TNFRSF21: variants seen among roughly 807,000 people sequenced by gnomAD.
TNFRSF21 encodes the protein tumor necrosis factor receptor superfamily member 21.
TNFRSF21 carries 19 observed loss-of-function variants against 45.6 expected under a neutral mutation model. The ratio of observed to expected loss-of-function variants is 0.42; its 90% CI spans 0.29 to 0.61. The LOEUF (loss-of-function observed/expected upper bound fraction) is 0.61. Ranked by LOEUF, TNFRSF21 falls within the 20% of genes least tolerant of loss-of-function variation. TNFRSF21 has a pLI of 0.23. For synonymous variants in TNFRSF21, 314 were observed against 335.5 expected, an observed-to-expected ratio of 0.94 and a Z score of 0.70; for missense variants, 737 against 851.5, an observed-to-expected ratio of 0.87 and a Z score of 1.67.
intron 3 of TNFRSF21, among the ~76,000 whole-genome samples, chr6:47,273,762 C>G (rs1762459433): frequency 1.3e-5 from 2 of 152,124 alleles, no homozygotes; most frequent in African/African-American, 4.8e-5. Context: ...TTTAGAAAAT[C>G]CCATCATCTC....
In TNFRSF21 at chr6:47,294,297, C is replaced by T. The variant is rs562008751; in HGVS notation, c.97-7702G>A. ...TAGCTGGGACTACAGGGGCACGCCA[C>T]CATGCCCGGCTAATTTTTTGTATTT... On this transcript the variant is annotated intron_variant, in intron 1 of 5. Transcript: ENST00000296861. Among the ~76,000 whole-genome samples, 121 of 152,172 alleles carry T rather than the reference C, an allele frequency of 8.0e-4. 1 individual carries two copies. The highest frequency in any genetic ancestry group is 1.3e-3 in the Non-Finnish European group (88 of 68,040).
At chr6:47,264,342 A>C (rs944153046) in intron 3 of TNFRSF21, among the ~76,000 whole-genome samples, 3 of 152,200 alleles carry the variant, frequency 2.0e-5, no homozygotes, top group Non-Finnish European at 4.4e-5. Flanking sequence ...AGCTTGGCCG[A>C]CATGGCGAAA....
intron 4 of TNFRSF21, among the ~76,000 whole-genome samples, chr6:47,244,723 T>C (rs1764800442): frequency 6.6e-6 from 1 of 152,202 alleles, no homozygotes; most frequent in Non-Finnish European, 1.5e-5. Context: ...TCTGTGGCAA[T>C]TGTTTATTAA....
Position 47,309,548 on chromosome 6 carries a change from G to T in TNFRSF21, c.-37C>A, listed in dbSNP as rs1762988468. ...GGACTCGCAGGGGCGCCCGGGGCGC[G>T]CGGGGCAGCTGGAATCGGCGGCTGC... On this transcript the variant is annotated 5_prime_UTR_variant, in exon 1 of 6. Transcript: ENST00000296861. 3 of 1,402,428 alleles carry T rather than the reference G, an allele frequency of 2.1e-6. No homozygotes were observed. Among genetic ancestry groups the T allele is most frequent in the Non-Finnish European group, 2.8e-6 (3 of 1,087,830 alleles). The allele number at this position is 1,402,428 out of a possible 1,614,324, so 86.9% of individuals were successfully genotyped here.
At chr6:47,308,446 G>A (rs1582368842) in intron 1 of TNFRSF21, among the ~76,000 whole-genome samples, 1 of 152,222 alleles carries the variant, frequency 6.6e-6, no homozygotes, top group East Asian at 1.9e-4. Context: ...ATAGGCAAGG[G>A]AAGCTCAAGG....
chr6:47,266,055 G>A (rs1762329838), intron 3 of TNFRSF21, among the ~76,000 whole-genome samples: 2 of 152,230 alleles, frequency 1.3e-5, no homozygotes, highest in Admixed American at 6.5e-5. Context: ...ATCAACTTCT[G>A]TCACCTGACC....
chr6:47,246,601 T>C (rs1328358820), intron 4 of TNFRSF21, among the ~76,000 whole-genome samples: 3 of 152,216 alleles, frequency 2.0e-5, no homozygotes, highest in Admixed American at 6.5e-5. Flanking sequence ...TATTAAAACC[T>C]TATTTCTATA....
intron 3 of TNFRSF21, among the ~76,000 whole-genome samples, chr6:47,256,282 G>C (rs1764987434): frequency 6.6e-6 from 1 of 152,222 alleles, no homozygotes; most frequent in Non-Finnish European, 1.5e-5. Flanking sequence ...GCAGCACTTT[G>C]GGAGGTTGAG....
At chr6:47,261,846 C>T (rs542228876) in intron 3 of TNFRSF21, among the ~76,000 whole-genome samples, 5 of 152,320 alleles carry the variant, frequency 3.3e-5, no homozygotes, top group Admixed American at 2.6e-4. Context: ...CCCACATGTA[C>T]CTGTGTTTCA....
Position 47,253,339 on chromosome 6 carries a change from C to T in TNFRSF21, c.1426G>A (p.Ala476Thr), listed in dbSNP as rs558987695. ...WTIRGPEASLAQLISALRQHR... is the reference protein window; with the variant it reads ...WTIRGPEASLTQLISALRQHR... ...TGGCGCAGGGCGCTAATTAGCTGGG[C>T]GAGGCTGGCCTCGGGGCCCCGGATG... is the stretch of plus-strand genomic sequence containing the variant. Residue 476 changes from alanine to threonine, a missense_variant, in exon 4 of 6, where the codon GCC (alanine) becomes ACC (threonine). Coordinates refer to ENST00000296861, the MANE Select transcript of TNFRSF21 (RefSeq NM_014452.5). 4 of 1,613,932 alleles carry T rather than the reference C, an allele frequency of 2.5e-6. No homozygotes were observed. The Admixed American group carries it at 5.0e-5, about 20-fold the overall frequency.
At chr6:47,307,852 A>G (rs1762960841) in intron 1 of TNFRSF21, among the ~76,000 whole-genome samples, 1 of 152,240 alleles carries the variant, frequency 6.6e-6, no homozygotes, top group South Asian at 2.1e-4. Flanking sequence ...TATAATAATC[A>G]GATGTGTTAG....
intron 3 of TNFRSF21, among the ~76,000 whole-genome samples, chr6:47,256,631 C>G (rs1406230794): frequency 1.3e-5 from 2 of 152,222 alleles, no homozygotes; most frequent in East Asian, 3.8e-4. Flanking sequence ...TGAACCAAGT[C>G]CTTTTCAGTT....
intron 4 of TNFRSF21, among the ~76,000 whole-genome samples, chr6:47,243,807 A>T (rs1415528175): frequency 6.6e-6 from 1 of 152,220 alleles, no homozygotes; most frequent in Non-Finnish European, 1.5e-5. Flanking sequence ...TGACAAGTGC[A>T]TGCTGTTCCA....
chr6:47,253,001 G>GTGAC (rs201952343), intron 4 of TNFRSF21, among the ~76,000 whole-genome samples: 4,663 of 152,252 alleles, frequency 0.031, 100 homozygotes, highest in Non-Finnish European at 0.049. Flanking sequence ...AGATTCTGAT[G>GTGAC]TGACTGGTCT....
At chr6:47,237,569 C>A (rs1262496219) in intron 4 of TNFRSF21, among the ~76,000 whole-genome samples, 1 of 152,102 alleles carries the variant, frequency 6.6e-6, no homozygotes, top group East Asian at 1.9e-4. Flanking sequence ...ACAAGAAAGC[C>A]ATATTTCCAG....
chr6:47,283,406 T>C (rs1376398344), intron 3 of TNFRSF21, among the ~76,000 whole-genome samples: 6 of 152,102 alleles, frequency 3.9e-5, no homozygotes, highest in African/African-American at 1.4e-4. Flanking sequence ...TCCTAAAATT[T>C]AAGTGGGGAA....
chr6:47,258,398 GTTTT>G (rs1162552203), intron 3 of TNFRSF21, among the ~76,000 whole-genome samples: 1 of 131,050 alleles, frequency 7.6e-6, no homozygotes. Context: ...AGTAATTGTG[GTTTT>G]TTTTTTTTTT....
At chr6:47,303,348 G>C (rs936344404) in intron 1 of TNFRSF21, among the ~76,000 whole-genome samples, 2 of 152,160 alleles carry the variant, frequency 1.3e-5, no homozygotes, top group Admixed American at 6.5e-5. Context: ...GTAGCACAAA[G>C]TCTTAGGCAT....
intron 1 of TNFRSF21, among the ~76,000 whole-genome samples, chr6:47,295,139 G>A (rs1032863527): frequency 2.0e-5 from 3 of 152,040 alleles, no homozygotes; most frequent in African/African-American, 4.8e-5. Flanking sequence ...AAACTCCCTG[G>A]GTCTCAGCAT....
Sources: allele counts gnomAD v4.1 joint callset (sites outside exome capture counted in the v4.1 genomes callset), GRCh38; gene constraint gnomAD v4.1.1; transcripts MANE v1.5; gene names NCBI Gene and HGNC (gene_info 2026-07-23, HGNC 2026-07-21).